Variants in AMN1 observed in about 807,000 individuals in gnomAD.
The protein encoded by AMN1 is antagonist of mitotic exit network 1 homolog, also known as protein AMN1 homolog.
AMN1 carries 20 observed loss-of-function variants against 33.0 expected under a neutral mutation model. The ratio of observed to expected loss-of-function variants is 0.61; its 90% CI spans 0.43 to 0.88. AMN1 has a LOEUF of 0.88. Ranked by LOEUF, AMN1 falls within the 40% of genes least tolerant of loss-of-function variation. The pLI, the probability that AMN1 is intolerant of heterozygous loss-of-function variation, is 0.00. For missense variants in AMN1, 246 were observed against 307.4 expected (o/e 0.80, Z 1.49); for synonymous variants, 114 against 111.9 (o/e 1.02, Z -0.12).
chr12:31,681,420 G>C (rs141436458), intron 6 of AMN1, among the ~76,000 whole-genome samples: 1 of 151,904 alleles, frequency 6.6e-6, no homozygotes, highest in Non-Finnish European at 1.5e-5. Context: ...GTAGAGACAG[G>C]GTTTCACCAT....
chr12:31,723,093 G>C (rs2139732875), intron 1 of AMN1, among the ~76,000 whole-genome samples: 1 of 151,962 alleles, frequency 6.6e-6, no homozygotes, highest in Non-Finnish European at 1.5e-5. Flanking sequence ...GGGAGGCAGA[G>C]GTTGCAGTGA....
chr12:31,704,492 GT>G (rs1225855304), intron 2 of AMN1, among the ~76,000 whole-genome samples: 1 of 131,806 alleles, frequency 7.6e-6, no homozygotes, highest in Non-Finnish European at 1.7e-5. Flanking sequence ...TTTTGACTTT[GT>G]TTCTTTTTTT....
upstream of AMN1, chr12:31,729,168 G>T: frequency 1.4e-6 from 1 of 737,160 alleles, no homozygotes; most frequent in Non-Finnish European, 2.1e-6. Flanking sequence ...ACTCCACAAG[G>T]AAAGAAGAGA....
At chr12:31,676,691 G>C (rs571382622) in intron 6 of AMN1, among the ~76,000 whole-genome samples, 1 of 151,670 alleles carries the variant, frequency 6.6e-6, no homozygotes, top group Non-Finnish European at 1.5e-5. Flanking sequence ...TTGTGAATAT[G>C]TTATCAAACA....
chr12:31,707,944 T>C (rs955510840), intron 2 of AMN1, among the ~76,000 whole-genome samples: 1 of 152,206 alleles, frequency 6.6e-6, no homozygotes, highest in African/African-American at 2.4e-5. Flanking sequence ...CTGTCTTTAT[T>C]TTAATCTCTT....
chr12:31,717,111 C>G (rs1049165395), intron 1 of AMN1, among the ~76,000 whole-genome samples: 12 of 151,982 alleles, frequency 7.9e-5, no homozygotes, highest in African/African-American at 2.7e-4. Context: ...TTCCCTTGCT[C>G]CCCCCAACCA....
chr12:31,682,777 G>A (rs926569284), intron 6 of AMN1, among the ~76,000 whole-genome samples: 5 of 152,076 alleles, frequency 3.3e-5, no homozygotes, highest in African/African-American at 1.2e-4. Context: ...ACAACACAGG[G>A]CCCCAAAGGT....
intron 1 of AMN1, among the ~76,000 whole-genome samples, chr12:31,717,681 T>A (rs2139724156): frequency 6.6e-6 from 1 of 152,334 alleles, no homozygotes; most frequent in African/African-American, 2.4e-5. Context: ...TGGGATTTCT[T>A]GGTAACTAAG....
intron 2 of AMN1, 35 bp downstream of exon 2, chr12:31,709,253 AAATAT>A (rs1939373863): frequency 6.2e-7 from 1 of 1,602,538 alleles, no homozygotes; most frequent in Admixed American, 1.7e-5. Context: ...TCTAAACAGA[AAATAT>A]AATATGCTTG....
At chr12:31,721,480 A>G (rs1172902731) in intron 1 of AMN1, among the ~76,000 whole-genome samples, 1 of 152,208 alleles carries the variant, frequency 6.6e-6, no homozygotes, top group Admixed American at 6.5e-5. Context: ...GGCTGTTGCT[A>G]TAATTCATAA....
intron 6 of AMN1, among the ~76,000 whole-genome samples, chr12:31,688,402 ATCT>A (rs1322057861): frequency 2.0e-5 from 3 of 152,342 alleles, no homozygotes; most frequent in Non-Finnish European, 2.9e-5. Context: ...TGCCATCATA[ATCT>A]TCTTCATAGG....
intron 6 of AMN1, among the ~76,000 whole-genome samples, chr12:31,674,820 A>C (rs1440927823): frequency 2.0e-5 from 3 of 151,986 alleles, no homozygotes; most frequent in Non-Finnish European, 4.4e-5. Flanking sequence ...GTTCAAGACC[A>C]GCCTGGCTAA....
intron 6 of AMN1, among the ~76,000 whole-genome samples, chr12:31,688,682 G>A (rs1938373086): frequency 6.6e-6 from 1 of 152,094 alleles, no homozygotes; most frequent in African/African-American, 2.4e-5. Context: ...ATGGTGGCGT[G>A]CACCTGTAGT....
chr12:31,714,823 T>A lies in AMN1; in HGVS notation c.39-5398A>T, dbSNP rs1193601350. 8.4e-6 allele frequency: 6 copies of A among 710,494 alleles called. No individual in the cohort carries two copies. The Admixed American group carries it at 3.8e-4, about 45-fold the overall frequency. The allele number at this position is 710,494 out of a possible 1,614,324, so 44.0% of individuals were successfully genotyped here. On this transcript the variant is annotated intron_variant, in intron 1 of 6. Coordinates refer to ENST00000281471, the MANE Select transcript of AMN1 (RefSeq NM_001113402.2). ...TAATGTGTATGCTGGTTATTTCCAT[T>A]GACCTAAAAGCTCTACCTGAAACAA...
At position 31,701,992 on chromosome 12, in the gene AMN1, C is replaced by T; in HGVS notation, c.187G>A (p.Val63Ile). 6.3e-7 allele frequency: 1 copy of T among 1,598,472 alleles called. No homozygotes were observed. The highest frequency in any genetic ancestry group is 8.5e-7 in the Non-Finnish European group (1 of 1,175,570). The change falls in exon 3 of 7, where the codon GTC becomes ATC. Residue 63 changes from valine to isoleucine, a missense_variant. By Grantham distance (29) the Val-to-Ile change is conservative. Coordinates refer to ENST00000281471, the MANE Select transcript of AMN1 (RefSeq NM_001113402.2). ...SNISEILHPE[V>I]QTLDLRSCDI... ...CAGCTCCGTAGATCTAGAGTTTGGACTTCAGGATGTAAAATCTATAACAAA... is the reference window on the plus strand; with the variant it reads ...CAGCTCCGTAGATCTAGAGTTTGGATTTCAGGATGTAAAATCTATAACAAA...
chr12:31,680,354 C>T (rs911791853), intron 6 of AMN1, among the ~76,000 whole-genome samples: 3 of 151,832 alleles, frequency 2.0e-5, no homozygotes, highest in Non-Finnish European at 4.4e-5. Flanking sequence ...GCACCCGTCA[C>T]CACGCCCGAC....
At chr12:31,676,927 GCCTTTATTAT>G (rs1171986641) in intron 6 of AMN1, among the ~76,000 whole-genome samples, 1 of 151,710 alleles carries the variant, frequency 6.6e-6, no homozygotes. Flanking sequence ...AATATTCAAT[GCCTTTATTAT>G]GCTACAGGGA....
chr12:31,718,168 T>G (rs1006025265), intron 1 of AMN1, among the ~76,000 whole-genome samples: 33 of 151,948 alleles, frequency 2.2e-4, no homozygotes, highest in African/African-American at 7.7e-4. Flanking sequence ...TAAGTTGATC[T>G]TCAATCTCTG....
At chr12:31,703,996 C>T (rs1479491109) in intron 2 of AMN1, among the ~76,000 whole-genome samples, 3 of 152,150 alleles carry the variant, frequency 2.0e-5, no homozygotes, top group East Asian at 3.8e-4. Flanking sequence ...TTGCTTATAA[C>T]ATATGCTATA....
Sources: gnomAD v4.1 joint callset for allele counts (sites outside exome capture counted in the v4.1 genomes callset) on GRCh38, gnomAD v4.1.1 for gene constraint, MANE v1.5 for transcripts, NCBI Gene and HGNC (gene_info 2026-07-23, HGNC 2026-07-21) for gene names.